The following SLC26A6 variants were observed in gnomAD, a reference collection of about 807,000 sequenced individuals.
SLC26A6 encodes the protein solute carrier family 26 member 6.
A neutral mutation model predicts 87.1 loss-of-function variants in SLC26A6; 67 were observed. That is an observed-to-expected ratio of 0.77 (90% CI 0.63 to 0.94). The LOEUF is 0.94. Ranked by LOEUF, SLC26A6 falls within the 40% of genes least tolerant of loss-of-function variation. SLC26A6 has a pLI of 0.00. For synonymous variants in SLC26A6, 414 were observed against 405.9 expected (o/e 1.02, Z -0.24); for missense variants, 902 against 973.0 (o/e 0.93, Z 0.97).
Position 48,628,356 on chromosome 3 carries a change from G to A in SLC26A6, c.1800+78C>T, listed in dbSNP as rs929587079. The A allele has an allele frequency of 1.9e-6, 3 of 1,571,358 alleles. No homozygotes were observed. The highest frequency in any genetic ancestry group is 2.6e-6 in the Non-Finnish European group (3 of 1,149,308). On this transcript the variant is annotated intron_variant, in intron 16 of 20. Transcript: ENST00000395550. This position sits in a 1 kb window ranked among gnomAD's most constrained non-coding sequence, Gnocchi z 4.4. ...GGGATGAGGAGTGAGGACGAGGGAG[G>A]AGTCGGGGGCCAGGAGAAAGGCTGG...
chr3:48,626,338 C>A lies in SLC26A6; in HGVS notation c.2145G>T (p.Gln715His), dbSNP rs746269727. Reference protein sequence around the residue: ...MAACHSPVVSQLEAGHFFDAS... With the variant: ...MAACHSPVVSHLEAGHFFDAS... ...CATCGAAGAAGTGCCCAGCCTCAAG[C>A]TGGCTGACCACAGGGCCTGTGGGCA... Residue 715 changes from glutamine to histidine, a missense_variant, in exon 20 of 21, where the codon CAG becomes CAT. Coordinates refer to ENST00000395550, the MANE Select transcript of SLC26A6 (RefSeq NM_022911.3). The A allele has an allele frequency of 1.9e-5, 30 of 1,614,056 alleles. No individual in the cohort carries two copies. In the East Asian group the frequency reaches 6.2e-4, roughly 34 times the overall value.
chr3:48,631,956 T>C lies in SLC26A6; in HGVS notation c.674A>G (p.Gln225Arg). Reference protein sequence around the residue: ...VRGYTTAAAVQVFVSQLKYVF... With the variant: ...VRGYTTAAAVRVFVSQLKYVF... The stretch of plus-strand genomic sequence containing the variant: ...ATACTTGAGCTGTGAGACGAAGACC[T>C]GCACAGCTGCAGCTGTGGTATAGCC... Residue 225 changes from glutamine to arginine, a missense_variant, in exon 6 of 21, where the codon CAG becomes CGG. Around this residue, in one of 3 missense-constraint regions of SLC26A6, gnomAD observed 800 missense variants for 856.8 expected, o/e 0.93. Transcript: ENST00000395550. 1 of 1,613,452 alleles carries C rather than the reference T, an allele frequency of 6.2e-7. No individual in the cohort carries two copies. Among genetic ancestry groups the C allele is most frequent in the Non-Finnish European group, 8.5e-7 (1 of 1,179,996 alleles).
At position 48,631,243 on chromosome 3, in the gene SLC26A6, C is replaced by A; in HGVS notation, c.967G>T (p.Val323Leu). Residue 323 changes from valine (V) to leucine (L), a missense_variant, in exon 8 of 21, where the codon GTG becomes TTG. Physicochemically the swap from Val to Leu is conservative, Grantham distance 32. Coordinates refer to ENST00000395550, the MANE Select transcript of SLC26A6 (RefSeq NM_022911.3). Reference protein sequence around the residue: ...GLKHRFEVDVVGNIPAGLVPP... With the variant: ...GLKHRFEVDVLGNIPAGLVPP... ...GCTCACCCTGCAGGGATGTTGCCCA[C>A]GACATCTACCTCAAATCTGTGCTTT... 6.2e-7 allele frequency: 1 copy of A among 1,610,454 alleles called. No individual in the cohort carries two copies. Among genetic ancestry groups the A allele is most frequent in the Non-Finnish European group, 8.5e-7 (1 of 1,177,868 alleles).
rs2106675897 is a variant in SLC26A6, at chr3:48,633,589, G to C, written c.70C>G (p.Leu24Val). 6.2e-7 allele frequency: 1 copy of C among 1,613,572 alleles called. No individual in the cohort carries two copies. Among genetic ancestry groups the C allele is most frequent in the Non-Finnish European group, 8.5e-7 (1 of 1,180,002 alleles). Residue 24 changes from leucine (L) to valine (V), a missense_variant, in exon 2 of 21, where the codon CTG (leucine) becomes GTG (valine). Physicochemically the swap from Leu to Val is conservative, Grantham distance 32. Transcript: ENST00000395550. ...TCCATGTGGTAGTCTCGCCTCCGCAGGTCCATTGCTTGTGTTGCAGACAGC... is the reference window on the plus strand; with the variant it reads ...TCCATGTGGTAGTCTCGCCTCCGCACGTCCATTGCTTGTGTTGCAGACAGC... Reference protein sequence around the residue: ...ALLSATQAMDLRRRDYHMERP... With the variant: ...ALLSATQAMDVRRRDYHMERP...
rs759429056 is a variant in SLC26A6, at chr3:48,633,235, A to G, written c.322+16T>C. 1 of 1,610,872 alleles carries G rather than the reference A, an allele frequency of 6.2e-7. No individual in the cohort carries two copies. Among genetic ancestry groups the G allele is most frequent in the Non-Finnish European group, 8.5e-7 (1 of 1,178,892 alleles). On this transcript the variant is annotated intron_variant, in intron 3 of 20. Transcript: ENST00000395550. Reference sequence around the variant, plus strand: ...GACCACAGGGTTTCCAGGCCGACGCACTGAAGGTGGCTCACCCTGCGGAAG... The same window carrying G: ...GACCACAGGGTTTCCAGGCCGACGCGCTGAAGGTGGCTCACCCTGCGGAAG...
At chr3:48,634,800 G>T (rs2046908153) in intron 1 of SLC26A6, 1 of 959,690 alleles carries the variant, frequency 1.0e-6, no homozygotes. Flanking sequence ...GATCCTCAGA[G>T]ACTCTTGGGA....
intron 7 of SLC26A6, 104 bp from the exon 8 acceptor site, chr3:48,631,410 T>G: frequency 7.5e-7 from 1 of 1,334,106 alleles, no homozygotes; most frequent in Non-Finnish European, 1.0e-6. Flanking sequence ...AAAACCTTCT[T>G]CGAGGGTGGG....
chr3:48,632,989 G>A lies in SLC26A6; in HGVS notation c.418C>T (p.Arg140Trp), dbSNP rs751147237. 6.2e-6 allele frequency: 10 copies of A among 1,613,226 alleles called. No individual in the cohort carries two copies. The East Asian group carries it at 8.9e-5, about 14-fold the overall frequency. Residue 140 changes from arginine (R) to tryptophan (W), a missense_variant, in exon 4 of 21, where the codon CGG becomes TGG. Coordinates refer to ENST00000395550, the MANE Select transcript of SLC26A6 (RefSeq NM_022911.3). ...VFIYFLFGTS[R>W]HISVGTFAVM... ...CTCCACTTACCCACGGAGATGTGCC[G>A]GGAAGTGCCAAACAGGAAGTAGATG...
Position 48,628,619 on chromosome 3 carries a change from C to T in SLC26A6, c.1692+3G>A, listed in dbSNP as rs199741340. 2,641 of 1,613,936 alleles carry T rather than the reference C, an allele frequency of 1.6e-3. 38 individuals carry two copies. Among genetic ancestry groups the T allele is most frequent in the South Asian group, 0.016 (1,476 of 91,086 alleles). On this transcript the variant is annotated splice_donor_region_variant and intron_variant, in intron 15 of 20. Transcript: ENST00000395550. This position sits in a 1 kb window ranked among gnomAD's most constrained non-coding sequence, Gnocchi z 4.4. ...GACACCCATCCTGGGGACTCCGTCTCACCCTCTGCTTCAGCGCATCACTGT... is the reference window on the plus strand; with the variant it reads ...GACACCCATCCTGGGGACTCCGTCTTACCCTCTGCTTCAGCGCATCACTGT...
rs773810962 is a variant in SLC26A6, at chr3:48,635,433, G to A, written c.-40C>T. The A allele has an allele frequency of 1.1e-5, 17 of 1,563,114 alleles. No homozygotes were observed. The highest frequency in any genetic ancestry group is 1.7e-4 in the Middle Eastern group (1 of 5,990). ...CCGGTGCGGGCTGCTCCTGCTGCTC[G>A]AGCTAGAGGCCGCTACGCTCCGGAA... is the stretch of plus-strand genomic sequence containing the variant. On this transcript the variant is annotated 5_prime_UTR_variant, in exon 1 of 21. Coordinates refer to ENST00000395550, the MANE Select transcript of SLC26A6 (RefSeq NM_022911.3).
chr3:48,625,875 T>G lies in SLC26A6; in HGVS notation c.*111A>C, dbSNP rs975852115. On this transcript the variant is annotated 3_prime_UTR_variant, in exon 21 of 21. Coordinates refer to ENST00000395550, the MANE Select transcript of SLC26A6 (RefSeq NM_022911.3). The surrounding 1 kb of genome is among the most constrained non-coding windows in gnomAD (Gnocchi z 4.7). Reference sequence around the variant, plus strand: ...GACCTCCTTCCCTGAGTTGTGTGTGTGTACATGGAGGGGACTCCTGGGTAG... The same window carrying G: ...GACCTCCTTCCCTGAGTTGTGTGTGGGTACATGGAGGGGACTCCTGGGTAG... 4.3e-6 allele frequency: 6 copies of G among 1,384,006 alleles called. No homozygotes were observed. In the African/African-American group the frequency reaches 8.5e-5, roughly 20 times the overall value. 85.7% of individuals were successfully genotyped at this position (1,384,006 alleles called of 1,614,324 possible). A position where few individuals can be genotyped will look rare whatever the true frequency, so the allele number is the denominator to read the frequency against.
chr3:48,632,520 A>G, intron 4 of SLC26A6, 124 bp from the exon 5 acceptor site: 1 of 1,349,322 alleles, frequency 7.4e-7, no homozygotes, highest in Non-Finnish European at 1.0e-6. Context: ...TTATGGCTGC[A>G]TGAACAGGGA....
Position 48,630,984 on chromosome 3 carries a change from C to T in SLC26A6, c.1134+9G>A, listed in dbSNP as rs747223936. The T allele has an allele frequency of 5.6e-6, 9 of 1,613,508 alleles. No individual in the cohort carries two copies. Among genetic ancestry groups the T allele is most frequent in the South Asian group, 2.2e-5 (2 of 91,070 alleles). ...TGGATGCCTCCTACACATCCCGCAT[C>T]ACCCAGACCTGGTTGCTGTCCACCC... is the stretch of plus-strand genomic sequence containing the variant. On this transcript the variant is annotated intron_variant, in intron 9 of 20. Transcript: ENST00000395550.
Position 48,628,232 on chromosome 3 carries a change from G to T in SLC26A6, c.1801-194C>A. The T allele has an allele frequency of 1.3e-6, 1 of 772,484 alleles. No homozygotes were observed. Among genetic ancestry groups the T allele is most frequent in the Non-Finnish European group, 2.1e-6 (1 of 486,576 alleles). The allele number at this position is 772,484 out of a possible 1,614,324, so 47.9% of individuals were successfully genotyped here. A position where few individuals can be genotyped will look rare whatever the true frequency, so the allele number is the denominator to read the frequency against. ...GAAGAGGACTGTGACGGTTCTCACT[G>T]TCACTGGTTCAGATGATGGGAGAGA... On this transcript the variant is annotated intron_variant, in intron 16 of 20. Coordinates refer to ENST00000395550, the MANE Select transcript of SLC26A6 (RefSeq NM_022911.3). This position sits in a 1 kb window ranked among gnomAD's most constrained non-coding sequence, Gnocchi z 4.4.
chr3:48,634,381 G>A (rs1003570204), intron 1 of SLC26A6: 1 of 152,248 alleles, frequency 6.6e-6, no homozygotes, highest in African/African-American at 2.4e-5. Flanking sequence ...AGGGATCTCT[G>A]ACCTACCAGG....
At chr3:48,635,228 G>A in intron 1 of SLC26A6, 143 bp downstream of exon 1, 1 of 1,184,970 alleles carries the variant, frequency 8.4e-7, no homozygotes, top group Non-Finnish European at 1.2e-6. Flanking sequence ...CTGCAGAGGG[G>A]CAGCCGCCTG....
chr3:48,631,972 T>C lies in SLC26A6; in HGVS notation c.658A>G (p.Thr220Ala). The C allele has an allele frequency of 1.2e-5, 20 of 1,613,350 alleles. No individual in the cohort carries two copies. Among genetic ancestry groups the C allele is most frequent in the Non-Finnish European group, 1.7e-5 (20 of 1,179,976 alleles). ...ACGAAGACCTGCACAGCTGCAGCTG[T>C]GGTATAGCCTCGGACAAGAGGTTCT... ...LSEPLVRGYTTAAAVQVFVSQ... is the reference protein window; with the variant it reads ...LSEPLVRGYTAAAAVQVFVSQ... Residue 220 changes from threonine to alanine, a missense_variant, in exon 6 of 21, where the codon ACA becomes GCA. Around this residue, in one of 3 missense-constraint regions of SLC26A6, gnomAD observed 800 missense variants for 856.8 expected, o/e 0.93. Transcript: ENST00000395550.
At chr3:48,629,504 C>T in intron 14 of SLC26A6, 138 bp downstream of exon 14, 1 of 906,452 alleles carries the variant, frequency 1.1e-6, no homozygotes, top group Non-Finnish European at 1.7e-6. Context: ...ACCTAAACTC[C>T]TCCCTTGAAA....
intron 7 of SLC26A6, 148 bp from the exon 8 acceptor site, chr3:48,631,454 C>T (rs1412415749): frequency 5.4e-6 from 6 of 1,117,786 alleles, no homozygotes; most frequent in East Asian, 2.6e-5. Context: ...CAGGCAACAC[C>T]ATTTCGGCTA....
Sources: allele counts gnomAD v4.1 joint callset, GRCh38; gene constraint gnomAD v4.1.1; regional missense constraint gnomAD v4.1.1; non-coding constraint Gnocchi (gnomAD v3.1); transcripts MANE v1.5; gene names NCBI Gene and HGNC (gene_info 2026-07-23, HGNC 2026-07-21).